The following RGS12 variants were observed in gnomAD, a reference collection of about 807,000 sequenced individuals.
RGS12 encodes the protein regulator of G protein signaling 12, also known as regulator of G-protein signaling 12.
RGS12 carries 66 observed loss-of-function variants against 120.1 expected under a neutral mutation model. That is an observed-to-expected ratio of 0.55 (90% CI 0.45 to 0.67). RGS12 has a LOEUF of 0.67. Among genes scored for constraint, RGS12 ranks in the 30% least tolerant of loss-of-function variants. The probability of loss-of-function intolerance (pLI) is 0.00; values close to 1 mark genes in which losing one functional copy is unlikely to be tolerated. For synonymous variants in RGS12, 827 were observed against 804.7 expected (o/e 1.03, Z -0.47); for missense variants, 1,859 against 1,957.7 (o/e 0.95, Z 0.95).
chr4:3,426,853 T>A (rs1180102507), intron 14 of RGS12: 1 of 152,118 alleles, frequency 6.6e-6, no homozygotes, highest in East Asian at 1.9e-4. Flanking sequence ...GGAAAGAGCT[T>A]TCTGGAAACC....
chr4:3,321,514 C>T (rs1436624420), intron 2 of RGS12, among the ~76,000 whole-genome samples: 1 of 152,168 alleles, frequency 6.6e-6, no homozygotes, highest in Non-Finnish European at 1.5e-5. Flanking sequence ...GTGGGTTTGG[C>T]GCTGAGAAGA....
the RGS12 span, among the ~76,000 whole-genome samples, chr4:3,287,469 C>G: frequency 6.6e-6 from 1 of 152,254 alleles, no homozygotes; most frequent in African/African-American, 2.4e-5. Context: ...AAAGCCGGGT[C>G]CCACAGGAGG....
At position 3,367,508 on chromosome 4, in the gene RGS12, C is replaced by CA. The variant is rs541898517; in HGVS notation, c.1999-18907dup. Among the ~76,000 whole-genome samples the CA allele has an allele frequency of 3.7e-3, 569 of 152,392 alleles. 3 individuals are homozygous for CA. The highest frequency in any genetic ancestry group is 0.013 in the African/African-American group (546 of 41,588). On this transcript the variant is annotated intron_variant, in intron 3 of 17. Transcript: ENST00000336727. ...ACTCCCACCAGGCACTGAGTAAACA[C>CA]ATCCATCCAAACAAGGGAGGTGGAG...
In RGS12 at chr4:3,424,662, C is replaced by T. The variant is rs777055002; in HGVS notation, c.3235-802C>T. 5.3e-5 allele frequency among the ~76,000 whole-genome samples: 8 copies of T among 152,216 alleles called. No homozygotes were observed. The East Asian group carries it at 5.8e-4, about 11-fold the overall frequency. ...GGTCAGGCTCGTTCCCTGTGAGCTG[C>T]GGCCCTCGGCTGCCGAGGCTGTGGG... On this transcript the variant is annotated intron_variant, in intron 13 of 17. Coordinates refer to ENST00000336727, the MANE Select transcript of RGS12 (RefSeq NM_001394154.1).
chr4:3,430,452 A>G lies in RGS12; in HGVS notation c.3611A>G (p.Asp1204Gly), dbSNP rs1724146571. ...AAAGCTCAGAGCAACAGAGCAGATGACCAACGTGGGCTGCTAAGGAAGGAA... is the reference window on the plus strand; with the variant it reads ...AAAGCTCAGAGCAACAGAGCAGATGGCCAACGTGGGCTGCTAAGGAAGGAA... ...ISKAQSNRADDQRGLLRKEDL... is the reference protein window; with the variant it reads ...ISKAQSNRADGQRGLLRKEDL... The change falls in exon 17 of 18, where the codon GAC (aspartate) becomes GGC (glycine). Residue 1204 changes from aspartate (D) to glycine (G), a missense_variant. Around this residue, in one of 3 missense-constraint regions of RGS12, gnomAD observed 517 missense variants for 488.5 expected, o/e 1.06. Coordinates refer to ENST00000336727, the MANE Select transcript of RGS12 (RefSeq NM_001394154.1). The G allele has an allele frequency of 6.2e-7, 1 of 1,613,732 alleles. No individual in the cohort carries two copies. Among genetic ancestry groups the G allele is most frequent in the Non-Finnish European group, 8.5e-7 (1 of 1,179,980 alleles).
intron 2 of RGS12, 125 bp downstream of exon 2, chr4:3,318,176 T>C (rs1724933980): frequency 2.4e-6 from 2 of 840,396 alleles, no homozygotes; most frequent in Non-Finnish European, 3.7e-6. Context: ...GTGGCCTCTG[T>C]GGCCATCACA....
chr4:3,439,756 CA>C lies in RGS12; in HGVS notation c.*73del, dbSNP rs995012266. On this transcript the variant is annotated 3_prime_UTR_variant, in exon 18 of 18. Transcript: ENST00000336727. ...CAGCCCAGGTGGATTCTGTGGGCCT[CA>C]GGGGGGCCACCCTGGCCACCACACC... is the stretch of plus-strand genomic sequence containing the variant. 2.2e-6 allele frequency: 3 copies of C among 1,377,680 alleles called. No homozygotes were observed. The highest frequency in any genetic ancestry group is 3.0e-5 in the African/African-American group (2 of 67,306). 85.3% of individuals were successfully genotyped at this position (1,377,680 alleles called of 1,614,324 possible).
chr4:3,346,803 TA>T lies in RGS12; in HGVS notation c.1998+3751del, dbSNP rs200607320. On this transcript the variant is annotated intron_variant, in intron 3 of 17. Transcript: ENST00000336727. Reference sequence around the variant, plus strand: ...TGGGAAGCCAAACCAAGGCAGACTATAGATTTTGCCTACAGTCTTAAGGTTT... The same window carrying T: ...TGGGAAGCCAAACCAAGGCAGACTATGATTTTGCCTACAGTCTTAAGGTTT... 1.8e-4 allele frequency among the ~76,000 whole-genome samples: 28 copies of T among 152,322 alleles called. No homozygotes were observed. In the South Asian group the frequency reaches 3.1e-3, roughly 17 times the overall value.
intron 4 of RGS12, chr4:3,412,898 A>C (rs1721887272): frequency 6.6e-6 from 1 of 152,334 alleles, no homozygotes; most frequent in Non-Finnish European, 1.5e-5. Context: ...AGCTGGGCTC[A>C]CACTGGCCCA....
At chr4:3,310,331 G>A (rs1412520480) in intron 1 of RGS12, among the ~76,000 whole-genome samples, 1 of 127,236 alleles carries the variant, frequency 7.9e-6, no homozygotes, top group African/African-American at 2.9e-5. Flanking sequence ...AGGGGAACCG[G>A]GCGGGAGAGG....
chr4:3,400,835 A>G (rs1720511018), intron 4 of RGS12, among the ~76,000 whole-genome samples: 1 of 149,624 alleles, frequency 6.7e-6, no homozygotes, highest in Non-Finnish European at 1.5e-5. Context: ...TAGAATACAT[A>G]TAATAATAAT....
In RGS12 at chr4:3,425,621, G is replaced by A. The variant is rs1484748763; in HGVS notation, c.3331+61G>A. 7.9e-6 allele frequency: 10 copies of A among 1,262,964 alleles called. No individual in the cohort carries two copies. The East Asian group carries it at 1.4e-4, about 18-fold the overall frequency. The allele number at this position is 1,262,964 out of a possible 1,614,324, so 78.2% of individuals were successfully genotyped here. ...GAGTGGGTCCAGTGCAGGGGAGGGG[G>A]CTATGGAGCCGGTGCAGGGGAGGGG... On this transcript the variant is annotated intron_variant, in intron 14 of 17. Transcript: ENST00000336727.
intron 4 of RGS12, among the ~76,000 whole-genome samples, chr4:3,402,081 G>A (rs1258646331): frequency 6.6e-6 from 1 of 152,274 alleles, no homozygotes; most frequent in Non-Finnish European, 1.5e-5. Context: ...CATGGGACCA[G>A]CATGGTGACC....
intron 3 of RGS12, among the ~76,000 whole-genome samples, chr4:3,359,468 A>C (rs1433434010): frequency 1.0e-5 from 1 of 95,880 alleles, no homozygotes; most frequent in Non-Finnish European, 2.0e-5. Flanking sequence ...AAAGAGTTTG[A>C]GAAGGATTGG....
intron 4 of RGS12, among the ~76,000 whole-genome samples, chr4:3,406,081 A>G (rs956544438): frequency 6.6e-6 from 1 of 152,068 alleles, no homozygotes; most frequent in Non-Finnish European, 1.5e-5. Context: ...GCCCATCTTC[A>G]TTCTCCTGGC....
intron 16 of RGS12, among the ~76,000 whole-genome samples, chr4:3,429,594 C>A (rs1724025455): frequency 6.6e-6 from 1 of 152,214 alleles, no homozygotes; most frequent in Admixed American, 6.5e-5. Context: ...CTAGAGAAAG[C>A]CCAGTTTAGA....
intron 17 of RGS12, chr4:3,431,977 G>A (rs895400520): frequency 1.0e-6 from 1 of 985,336 alleles, no homozygotes; most frequent in Non-Finnish European, 1.2e-6. Context: ...GCATGGGAGG[G>A]GCTACCTGGT....
At chr4:3,439,358 C>T (rs1725115984) in intron 17 of RGS12, 97 bp from the exon 18 acceptor site, 3 of 1,217,016 alleles carry the variant, frequency 2.5e-6, no homozygotes, top group Non-Finnish European at 3.6e-6. Context: ...GGGACCCCTA[C>T]CATGCTGTCT....
chr4:3,412,587 C>T (rs766755078), intron 4 of RGS12, among the ~76,000 whole-genome samples: 20 of 152,240 alleles, frequency 1.3e-4, no homozygotes, highest in South Asian at 2.1e-4. Flanking sequence ...GCTTATCCTG[C>T]GCACCGTGCC....
Sources: gnomAD v4.1 joint callset for allele counts (sites outside exome capture counted in the v4.1 genomes callset) on GRCh38, gnomAD v4.1.1 for gene constraint, gnomAD v4.1.1 regional missense constraint, MANE v1.5 for transcripts, NCBI Gene and HGNC (gene_info 2026-07-23, HGNC 2026-07-21) for gene names.